The following ERC1 variants were observed in gnomAD, a reference collection of about 807,000 sequenced individuals.
ERC1 encodes the protein ELKS/RAB6-interacting/CAST family member 1.
ERC1 carries 56 observed loss-of-function variants against 132.0 expected under a neutral mutation model. The ratio of observed to expected loss-of-function variants is 0.42; its 90% CI spans 0.34 to 0.53. The LOEUF is 0.53. ERC1 is among the 20% of genes least tolerant of loss of function. The pLI is 0.03. For synonymous variants in ERC1, 478 were observed against 476.1 expected, an observed-to-expected ratio of 1.00 and a Z score of -0.05; for missense variants, 1,202 against 1,349.9, an observed-to-expected ratio of 0.89 and a Z score of 1.72.
At chr12:1,346,587 C>G (rs978509118) in intron 15 of ERC1, among the ~76,000 whole-genome samples, 1 of 152,208 alleles carries the variant, frequency 6.6e-6, no homozygotes, top group Admixed American at 6.5e-5. Context: ...AAAATAGACT[C>G]TATCAGTCAG....
chr12:1,347,924 A>G (rs1200551555), intron 15 of ERC1, among the ~76,000 whole-genome samples: 1 of 152,216 alleles, frequency 6.6e-6, no homozygotes, highest in Non-Finnish European at 1.5e-5. Context: ...CAGAGGTTGC[A>G]GTGAGCAGAG....
rs543244560 is a variant in ERC1 at position 1,441,181 on chromosome 12, C to T, written c.3025-3381C>T. Among the ~76,000 whole-genome samples, 47 of 152,220 alleles carry T rather than the reference C, an allele frequency of 3.1e-4. No homozygotes were observed. The East Asian group carries it at 7.7e-3, about 25-fold the overall frequency. Reference sequence around the variant, plus strand: ...TCAAGCAATTCTCCTGCCCCAGCCTCCCAAGTAGCTGGGATTACAGGCATG... The same window carrying T: ...TCAAGCAATTCTCCTGCCCCAGCCTTCCAAGTAGCTGGGATTACAGGCATG... On this transcript the variant is annotated intron_variant, in intron 17 of 18. Coordinates refer to ENST00000360905, the MANE Select transcript of ERC1 (RefSeq NM_178040.4).
intron 3 of ERC1, among the ~76,000 whole-genome samples, chr12:1,102,119 T>C (rs1288047439): frequency 6.6e-6 from 1 of 152,178 alleles, no homozygotes; most frequent in Non-Finnish European, 1.5e-5. Context: ...AAGACGTTCC[T>C]TCTTTAACTT....
chr12:1,161,218 C>A (rs542987616), intron 8 of ERC1, among the ~76,000 whole-genome samples: 3 of 151,838 alleles, frequency 2.0e-5, no homozygotes, highest in African/African-American at 4.8e-5. Flanking sequence ...GAATGGTATA[C>A]GGTGGGGCAA....
chr12:1,263,247 T>C (rs540443099), intron 14 of ERC1, 82 bp downstream of exon 14: 1 of 1,388,670 alleles, frequency 7.2e-7, no homozygotes, highest in South Asian at 1.3e-5. Flanking sequence ...AGGTAAACTA[T>C]ACATATTGTA....
intron 15 of ERC1, among the ~76,000 whole-genome samples, chr12:1,301,893 A>G (rs765664328): frequency 1.3e-5 from 2 of 152,200 alleles, no homozygotes; most frequent in Non-Finnish European, 2.9e-5. Flanking sequence ...CCAGGCCCCA[A>G]TGGCTTTACT....
At chr12:1,154,265 A>ATGTATATGTATATGTATATG (rs1951131551) in intron 8 of ERC1, among the ~76,000 whole-genome samples, 1 of 110,922 alleles carries the variant, frequency 9.0e-6, no homozygotes, top group Non-Finnish European at 2.0e-5. Flanking sequence ...ATATGTGTAT[A>ATGTATATGTATATGTATATG]TATACACATA....
chr12:1,176,257 C>T, intron 8 of ERC1, among the ~76,000 whole-genome samples: 1 of 152,202 alleles, frequency 6.6e-6, no homozygotes, highest in Non-Finnish European at 1.5e-5. Context: ...TTGTACCTCT[C>T]TATCAGAGCT....
chr12:1,223,451 C>G (rs1332373248), intron 12 of ERC1, among the ~76,000 whole-genome samples: 4 of 152,198 alleles, frequency 2.6e-5, no homozygotes, highest in African/African-American at 9.7e-5. Flanking sequence ...AGTGCAGATT[C>G]TGATTTAATA....
chr12:1,221,821 A>AGG (rs1959011924), intron 12 of ERC1, among the ~76,000 whole-genome samples: 1 of 152,176 alleles, frequency 6.6e-6, no homozygotes, highest in Non-Finnish European at 1.5e-5. Flanking sequence ...CTTTGGAAGA[A>AGG]GGTAAAATGA....
chr12:1,156,624 G>A (rs1011458068), intron 8 of ERC1, among the ~76,000 whole-genome samples: 2 of 152,166 alleles, frequency 1.3e-5, no homozygotes, highest in African/African-American at 2.4e-5. Context: ...GTCGATAGCT[G>A]TTTAATTATC....
chr12:1,312,267 G>T (rs1236467577), intron 15 of ERC1, among the ~76,000 whole-genome samples: 2 of 152,248 alleles, frequency 1.3e-5, no homozygotes, highest in East Asian at 3.9e-4. Context: ...AGCAGTAAAG[G>T]TATCAAAGAA....
intron 14 of ERC1, among the ~76,000 whole-genome samples, chr12:1,283,123 A>T (rs2078798573): frequency 6.6e-6 from 1 of 152,114 alleles, no homozygotes; most frequent in African/African-American, 2.4e-5. Context: ...TTCCCTTCTT[A>T]TTCTGAGCAA....
At chr12:1,473,975 T>C (rs1565508931) in intron 18 of ERC1, among the ~76,000 whole-genome samples, 1 of 152,218 alleles carries the variant, frequency 6.6e-6, no homozygotes, top group Non-Finnish European at 1.5e-5. Context: ...AAGTTTTATG[T>C]CTTATTCAAT....
intron 18 of ERC1, among the ~76,000 whole-genome samples, chr12:1,471,551 G>A (rs1007274699): frequency 8.5e-5 from 13 of 152,226 alleles, no homozygotes; most frequent in South Asian, 2.1e-4. Flanking sequence ...ATTGTAGTGC[G>A]TGGTTCCAGC....
chr12:1,491,331 G>A lies in ERC1; in HGVS notation c.*1101G>A. On this transcript the variant is annotated 3_prime_UTR_variant, in exon 19 of 19. Transcript: ENST00000360905. ...TCTCTGAACCTCAGCCTCGTGCATT[G>A]CCTGGAACCTTCTTCTAGCATAAAT... 4.3e-6 allele frequency: 1 copy of A among 231,288 alleles called. No homozygotes were observed. The highest frequency in any genetic ancestry group is 8.6e-6 in the Non-Finnish European group (1 of 116,802). The allele number at this position is 231,288 out of a possible 1,614,324, so 14.3% of individuals were successfully genotyped here.
Position 1,116,001 on chromosome 12 carries a change from A to G in ERC1, c.1537A>G (p.Lys513Glu), listed in dbSNP as rs1318338200. The change falls in exon 7 of 19, where the codon AAG becomes GAG. Residue 513 changes from lysine to glutamate, a missense_variant. Transcript: ENST00000360905. Reference protein sequence around the residue: ...IEVLKESLTAKEQRAAILQTE... With the variant: ...IEVLKESLTAEEQRAAILQTE... ...AGTGTTGAAGGAGTCCTTGACTGCTAAGGAGCAGAGGGCTGCCATCCTGCA... is the reference window on the plus strand; with the variant it reads ...AGTGTTGAAGGAGTCCTTGACTGCTGAGGAGCAGAGGGCTGCCATCCTGCA... 1.2e-6 allele frequency: 2 copies of G among 1,613,930 alleles called. No homozygotes were observed. Among genetic ancestry groups the G allele is most frequent in the Non-Finnish European group, 8.5e-7 (1 of 1,179,876 alleles).
chr12:1,173,908 G>A (rs1444715279), intron 8 of ERC1, among the ~76,000 whole-genome samples: 1 of 151,834 alleles, frequency 6.6e-6, no homozygotes, highest in Non-Finnish European at 1.5e-5. Context: ...GGGCTCAGCT[G>A]TTATCCATCG....
At position 1,493,548 on chromosome 12, in the gene ERC1, A is replaced by AAAAAAAATATATATATATATATATAT. The variant is rs56939346; in HGVS notation, c.*3319_*3320insAAAAAATATATATATATATATATATA. On this transcript the variant is annotated 3_prime_UTR_variant, in exon 19 of 19. Transcript: ENST00000360905. ...ACTCCATTTAAAAAAAAAAAAAAAAAATATATATATATATATATATATATA... is the reference window on the plus strand; with the variant it reads ...ACTCCATTTAAAAAAAAAAAAAAAAAAAAAAAATATATATATATATATATATATATATATATATATATATATATATA... 2 of 13,614 alleles carry AAAAAAAATATATATATATATATATAT rather than the reference A, an allele frequency of 1.5e-4. No homozygotes were observed. Among genetic ancestry groups the AAAAAAAATATATATATATATATATAT allele is most frequent in the Non-Finnish European group, 1.5e-4 (1 of 6,816 alleles). The allele number at this position is 13,614 out of a possible 1,614,324, so 0.8% of individuals were successfully genotyped here.
Sources: gnomAD v4.1 joint callset for allele counts (sites outside exome capture counted in the v4.1 genomes callset) on GRCh38, gnomAD v4.1.1 for gene constraint, MANE v1.5 for transcripts, NCBI Gene and HGNC (gene_info 2026-07-23, HGNC 2026-07-21) for gene names.